The following MUCL3 variants were observed in gnomAD, a reference collection of about 807,000 sequenced individuals.
MUCL3 encodes mucin-like protein 3.
Under a neutral mutation model 70.2 loss-of-function variants are expected in MUCL3, and 42 were observed. The observed-to-expected ratio is 0.60, with a 90% CI of 0.47 to 0.77. The LOEUF (loss-of-function observed/expected upper bound fraction) is 0.77, where lower values mean the gene tolerates loss of function less well. MUCL3 is among the 30% of genes least tolerant of loss of function. MUCL3 has a pLI of 0.00. For synonymous variants in MUCL3, 522 were observed against 647.0 expected, an observed-to-expected ratio of 0.81 and a Z score of 2.93; for missense variants, 1,429 against 1,670.0, an observed-to-expected ratio of 0.86 and a Z score of 2.52.
At chr6:30,946,704 C>G (rs1350363557) in intron 1 of MUCL3, among the ~76,000 whole-genome samples, 7 of 152,206 alleles carry the variant, frequency 4.6e-5, no homozygotes, top group Non-Finnish European at 8.8e-5. Flanking sequence ...CTTTAAAAGA[C>G]TGGGCTGACC....
Position 30,953,141 on chromosome 6 carries a change from G to A in MUCL3, c.*24G>A, listed in dbSNP as rs548442389. ...GATCTTGGAGTAGGCGCCCAGCCCT[G>A]GCTCTTCCATGCTCTGCCCCTTTCC... On this transcript the variant is annotated 3_prime_UTR_variant, in exon 3 of 3. Transcript: ENST00000462446. The A allele has an allele frequency of 8.4e-5, 136 of 1,612,268 alleles. 1 individual carries two copies. In the East Asian group the frequency reaches 2.6e-3, roughly 31 times the overall value.
intron 1 of MUCL3, among the ~76,000 whole-genome samples, chr6:30,943,419 G>A (rs1415662783): frequency 1.3e-5 from 2 of 152,064 alleles, no homozygotes; most frequent in African/African-American, 4.8e-5. Context: ...AATCATCTGA[G>A]GGAGCACAGG....
rs1760839626 is a variant in MUCL3 at position 30,953,982 on chromosome 6, TAA to T, written c.*868_*869del. The T allele has an allele frequency of 6.6e-6, 1 of 152,286 alleles. No individual in the cohort carries two copies. The highest frequency in any genetic ancestry group is 1.5e-5 in the Non-Finnish European group (1 of 68,030). 9.4% of individuals were successfully genotyped at this position (152,286 alleles called of 1,614,324 possible). A position where few individuals can be genotyped will look rare whatever the true frequency, so the allele number is the denominator to read the frequency against. ...AAAAGCCAGCTGTAGCTTTATCTCG[TAA>T]AAGTTACCCATCTTCTCTACTGTCC... On this transcript the variant is annotated 3_prime_UTR_variant, in exon 3 of 3. Transcript: ENST00000462446.
In MUCL3 at chr6:30,951,895, A is replaced by G. The variant is rs764859134; in HGVS notation, c.3431A>G (p.Glu1144Gly). The G allele has an allele frequency of 1.2e-6, 2 of 1,613,810 alleles. No homozygotes were observed. The highest frequency in any genetic ancestry group is 1.7e-5 in the Admixed American group (1 of 59,980). Residue 1144 changes from glutamate (E) to glycine (G), a missense_variant, in exon 2 of 3, where the codon GAG (glutamate) becomes GGG (glycine). Physicochemically the swap from Glu to Gly is moderately conservative, Grantham distance 98. Coordinates refer to ENST00000462446, the MANE Select transcript of MUCL3 (RefSeq NM_080870.4). ...AATGTGATCACACCAGCCCCAGCAGAGCCTATAAAACATGCAAAAAGGACC... is the reference window on the plus strand; with the variant it reads ...AATGTGATCACACCAGCCCCAGCAGGGCCTATAAAACATGCAAAAAGGACC... ...SANVITPAPA[E>G]PIKHAKRTTL...
chr6:30,946,375 A>G (rs1795781619), intron 1 of MUCL3: 1 of 152,220 alleles, frequency 6.6e-6, no homozygotes. Flanking sequence ...CAAGAATGCA[A>G]AACCGCTGAG....
In MUCL3 at chr6:30,949,013, TAAA is replaced by T; in HGVS notation, c.551_553del (p.Lys184del). 6.4e-7 allele frequency: 1 copy of T among 1,551,558 alleles called. No individual in the cohort carries two copies. The highest frequency in any genetic ancestry group is 8.7e-7 in the Non-Finnish European group (1 of 1,146,964). ...AATCAACGGTAACAAGAAAATCAGATAAAACTGGAAGACCTTTGGAAAAGTCCA... is the reference window on the plus strand; with the variant it reads ...AATCAACGGTAACAAGAAAATCAGATACTGGAAGACCTTTGGAAAAGTCCA... On this transcript the variant is annotated inframe_deletion, in exon 2 of 3. Coordinates refer to ENST00000462446, the MANE Select transcript of MUCL3 (RefSeq NM_080870.4).
rs1265479484 is a variant in MUCL3, at chr6:30,950,968, C to T, written c.2504C>T (p.Thr835Ile). ...NRERTANEKTTQFPAEPTENR... is the reference protein window; with the variant it reads ...NRERTANEKTIQFPAEPTENR... ...GAAAGGACAGCCAATGAGAAGACCA[C>T]ACAATTCCCAGCAGAGCCTACAGAA... is the stretch of plus-strand genomic sequence containing the variant. Residue 835 changes from threonine (T) to isoleucine (I), a missense_variant, in exon 2 of 3, where the codon ACA becomes ATA. Physicochemically the swap from Thr to Ile is moderately conservative, Grantham distance 89 (BLOSUM62 -1). Coordinates refer to ENST00000462446, the MANE Select transcript of MUCL3 (RefSeq NM_080870.4). 1 of 1,548,742 alleles carries T rather than the reference C, an allele frequency of 6.5e-7. No homozygotes were observed.
chr6:30,952,931 G>T, intron 2 of MUCL3, 40 bp from the exon 3 acceptor site: 1 of 1,607,418 alleles, frequency 6.2e-7, no homozygotes, highest in Middle Eastern at 1.7e-4. Context: ...AAAACAAATC[G>T]CAGATGGTTC....
intron 1 of MUCL3, among the ~76,000 whole-genome samples, chr6:30,941,464 T>G (rs1245750588): frequency 2.0e-5 from 3 of 148,058 alleles, no homozygotes; most frequent in Non-Finnish European, 4.5e-5. Flanking sequence ...CTTCTTTTTT[T>G]TTTTTTTTTT....
intron 1 of MUCL3, among the ~76,000 whole-genome samples, chr6:30,943,328 G>C (rs1354564362): frequency 1.3e-5 from 2 of 152,082 alleles, no homozygotes; most frequent in Admixed American, 1.3e-4. Context: ...CATAGGTGCA[G>C]TCCAGATTAA....
At position 30,954,138 on chromosome 6, in the gene MUCL3, G is replaced by C. The variant is rs1327188866; in HGVS notation, c.*1021G>C. The C allele has an allele frequency of 6.6e-6, 1 of 152,264 alleles. No homozygotes were observed. Among genetic ancestry groups the C allele is most frequent in the Non-Finnish European group, 1.5e-5 (1 of 68,036 alleles). 9.4% of individuals were successfully genotyped at this position (152,264 alleles called of 1,614,324 possible). On this transcript the variant is annotated 3_prime_UTR_variant, in exon 3 of 3. Transcript: ENST00000462446. This position sits in a 1 kb window ranked among gnomAD's most constrained non-coding sequence, Gnocchi z 4.4. The stretch of plus-strand genomic sequence containing the variant: ...ATTTCACCTTATTACTGATTGGGTA[G>C]AGGGGGAAAAGGAGAATGATGATGA...
rs9391637 is a variant in MUCL3 at position 30,945,130 on chromosome 6, G to A, written c.83-3417G>A. ...GCTCAATTACTGAACAGCGGAAGTC[G>A]CCCTTGGTCTTCCAGCCTGTGGAGG... On this transcript the variant is annotated intron_variant, in intron 1 of 2. Coordinates refer to ENST00000462446, the MANE Select transcript of MUCL3 (RefSeq NM_080870.4). 0.013 allele frequency among the ~76,000 whole-genome samples: 1,931 copies of A among 152,282 alleles called. 97 individuals are homozygous for A. In the East Asian group the frequency reaches 0.17, roughly 14 times the overall value.
Position 30,953,061 on chromosome 6 carries a change from G to C in MUCL3, c.4126G>C (p.Val1376Leu), listed in dbSNP as rs773121963. 1.9e-6 allele frequency: 3 copies of C among 1,614,124 alleles called. No homozygotes were observed. The highest frequency in any genetic ancestry group is 1.3e-5 in the African/African-American group (1 of 74,950). Residue 1376 changes from valine (V) to leucine (L), a missense_variant, in exon 3 of 3, where the codon GTC becomes CTC. Physicochemically the swap from Val to Leu is conservative, Grantham distance 32. Coordinates refer to ENST00000462446, the MANE Select transcript of MUCL3 (RefSeq NM_080870.4). ...EDEGGPNSYP[V>L]YLMEQQNLGM... ...TGAGGGTGGCCCCAATTCCTACCCG[G>C]TCTACCTGATGGAGCAGCAGAATCT...
rs751853704 is a variant in MUCL3, at chr6:30,952,325, C to G, written c.3861C>G (p.Ile1287Met). The change falls in exon 2 of 3, where the codon ATC (isoleucine) becomes ATG (methionine). Residue 1287 changes from isoleucine (I) to methionine (M), a missense_variant. By Grantham distance (10) the Ile-to-Met change is conservative (BLOSUM62 1). Coordinates refer to ENST00000462446, the MANE Select transcript of MUCL3 (RefSeq NM_080870.4). ...CATCTAGAACGAAGCTGAGTTCTAT[C>G]ACATCAGAAGCCACAGGAAACGAGA... is the stretch of plus-strand genomic sequence containing the variant. ...LITSRTKLSSITSEATGNESH... is the reference protein window; with the variant it reads ...LITSRTKLSSMTSEATGNESH... 112 of 1,614,012 alleles carry G rather than the reference C, an allele frequency of 6.9e-5. No individual in the cohort carries two copies. Among genetic ancestry groups the G allele is most frequent in the Non-Finnish European group, 9.0e-5 (106 of 1,180,024 alleles).
chr6:30,944,033 A>G (rs1795686699), intron 1 of MUCL3, among the ~76,000 whole-genome samples: 1 of 152,176 alleles, frequency 6.6e-6, no homozygotes, highest in African/African-American at 2.4e-5. Context: ...CATACTGTAT[A>G]GGTATTTTAA....
intron 1 of MUCL3, among the ~76,000 whole-genome samples, chr6:30,945,334 C>A (rs1795735784): frequency 6.6e-6 from 1 of 152,150 alleles, no homozygotes; most frequent in Admixed American, 6.5e-5. Flanking sequence ...CAATAAAAAT[C>A]CCTGCCAGGC....
At chr6:30,942,624 C>T (rs773409473) in intron 1 of MUCL3, among the ~76,000 whole-genome samples, 12 of 152,202 alleles carry the variant, frequency 7.9e-5, no homozygotes, top group Non-Finnish European at 1.5e-4. Context: ...GTCTCCCCTA[C>T]CTTGAGGGTC....
rs1474621535 is a variant in MUCL3, at chr6:30,952,166, A to C, written c.3702A>C (p.Lys1234Asn). 2 of 1,614,096 alleles carry C rather than the reference A, an allele frequency of 1.2e-6. No homozygotes were observed. The highest frequency in any genetic ancestry group is 4.5e-5 in the East Asian group (2 of 44,882). ...APVKSTENPE[K>N]TAAVTKTIKP... is the part of the protein sequence containing the mutation. Reference sequence around the variant, plus strand: ...TAAAGTCCACAGAAAACCCAGAAAAAACAGCAGCAGTCACAAAGACTATAA... The same window carrying C: ...TAAAGTCCACAGAAAACCCAGAAAACACAGCAGCAGTCACAAAGACTATAA... Residue 1234 changes from lysine to asparagine, a missense_variant, in exon 2 of 3, where the codon AAA (lysine) becomes AAC (asparagine). By Grantham distance (94) the Lys-to-Asn change is moderately conservative. Transcript: ENST00000462446.
intron 1 of MUCL3, among the ~76,000 whole-genome samples, chr6:30,945,520 A>T (rs1261688342): frequency 6.6e-6 from 1 of 150,492 alleles, no homozygotes; most frequent in East Asian, 1.9e-4. Flanking sequence ...ACTGGCTCAC[A>T]TTTGTAGTCC....
Sources: allele counts gnomAD v4.1 joint callset (sites outside exome capture counted in the v4.1 genomes callset), GRCh38; gene constraint gnomAD v4.1.1; non-coding constraint Gnocchi (gnomAD v3.1); transcripts MANE v1.5; gene names NCBI Gene and HGNC (gene_info 2026-07-23, HGNC 2026-07-21).